ZNF831: variants seen among roughly 807,000 people sequenced by gnomAD.
ZNF831 encodes the protein zinc finger protein 831.
ZNF831 carries 59 observed loss-of-function variants against 95.8 expected under a neutral mutation model. That is an observed-to-expected ratio of 0.62 (90% CI 0.50 to 0.77). The LOEUF (loss-of-function observed/expected upper bound fraction) is 0.77, where lower values mean the gene tolerates loss of function less well. ZNF831 is among the 30% of genes least tolerant of loss of function. The probability of loss-of-function intolerance (pLI) is 0.00; values close to 1 mark genes in which losing one functional copy is unlikely to be tolerated. For missense variants in ZNF831, 2,205 were observed against 2,164.0 expected (o/e 1.02, Z -0.38); for synonymous variants, 961 against 925.5 (o/e 1.04, Z -0.70).
intron 4 of ZNF831, among the ~76,000 whole-genome samples, chr20:59,211,052 A>AC (rs1985288855): frequency 6.6e-6 from 1 of 151,280 alleles, no homozygotes; most frequent in African/African-American, 2.4e-5. Context: ...AAAAAAAGAA[A>AC]AAAAAAAAAA....
intron 2 of ZNF831, among the ~76,000 whole-genome samples, chr20:59,158,094 T>A: frequency 6.6e-6 from 1 of 152,236 alleles, no homozygotes; most frequent in East Asian, 1.9e-4. Context: ...CCACATCACA[T>A]CTTCCTAAGC....
At position 59,254,234 on chromosome 20, in the gene ZNF831, C is replaced by T. The variant is rs866867404; in HGVS notation, c.4525C>T (p.His1509Tyr). Residue 1509 changes from histidine to tyrosine, a missense_variant, in exon 6 of 6, where the codon CAC becomes TAC. His to Tyr is a moderately conservative substitution (Grantham distance 83, BLOSUM62 2). Coordinates refer to ENST00000371030, the MANE Select transcript of ZNF831 (RefSeq NM_178457.3). The surrounding 1 kb of genome is among the most constrained non-coding windows in gnomAD (Gnocchi z 4.5). ...AACAGATCACATAGCCCAGGAAATT[C>T]ACAGTGCTGAATCACGAGACCACAG... ...VRTDHIAQEI[H>Y]SAESRDHSQT... The T allele has an allele frequency of 1.9e-6, 3 of 1,614,040 alleles. No individual in the cohort carries two copies. In the African/African-American group the frequency reaches 4.0e-5, roughly 22 times the overall value.
At chr20:59,177,401 C>A (rs1982253684) in intron 1 of ZNF831, among the ~76,000 whole-genome samples, 1 of 152,208 alleles carries the variant, frequency 6.6e-6, no homozygotes, top group African/African-American at 2.4e-5. Context: ...TGTCATGCCG[C>A]AAACATGCCA....
chr20:59,215,553 T>G (rs558499956), intron 4 of ZNF831, among the ~76,000 whole-genome samples: 1 of 152,344 alleles, frequency 6.6e-6, no homozygotes, highest in South Asian at 2.1e-4. Context: ...TTGGACACAC[T>G]TGTGATGAGT....
chr20:59,234,454 C>G (rs577391553), intron 4 of ZNF831, among the ~76,000 whole-genome samples: 1 of 152,168 alleles, frequency 6.6e-6, no homozygotes, highest in African/African-American at 2.4e-5. Context: ...AGTACAATAC[C>G]CCAAATACTG....
At chr20:59,137,634 A>G (rs1979551250) in intron 1 of ZNF831, among the ~76,000 whole-genome samples, 1 of 152,220 alleles carries the variant, frequency 6.6e-6, no homozygotes, top group Admixed American at 6.5e-5. Flanking sequence ...GTCAACCTGC[A>G]GTTTTTAACC....
chr20:59,186,157 C>A (rs1336698072), intron 1 of ZNF831, among the ~76,000 whole-genome samples: 5 of 152,192 alleles, frequency 3.3e-5, no homozygotes. Flanking sequence ...GCTCCAGTCA[C>A]CCACAGTGGG....
At chr20:59,220,318 G>A (rs549544058) in intron 4 of ZNF831, among the ~76,000 whole-genome samples, 138 of 152,318 alleles carry the variant, frequency 9.1e-4, no homozygotes, top group African/African-American at 2.9e-3. Context: ...ACAAAATCAC[G>A]GAGGCACCAG....
At chr20:59,240,673 G>A (rs1987280547) in intron 4 of ZNF831, among the ~76,000 whole-genome samples, 1 of 151,946 alleles carries the variant, frequency 6.6e-6, no homozygotes, top group Non-Finnish European at 1.5e-5. Flanking sequence ...GTGGTGGCGG[G>A]CGCCTGTAGT....
rs138229512 is a variant in ZNF831 at position 59,191,400 on chromosome 20, C to G, written c.381C>G (p.Gly127=). 6.2e-7 allele frequency: 1 copy of G among 1,610,218 alleles called. No individual in the cohort carries two copies. The highest frequency in any genetic ancestry group is 1.7e-5 in the Admixed American group (1 of 59,818). Residue 127 remains glycine (G), a synonymous_variant, in exon 2 of 6, where the codon GGC becomes GGG. Transcript: ENST00000371030. ...GCACTCTGCCTGTCCTGTCGCCGGG[C>G]CTGGGCCCCACGCTGGGCAGCCCAG... The part of the protein sequence containing the change: ...IVGTLPVLSP[G]LGPTLGSPGK...
In ZNF831 at chr20:59,191,767, G is replaced by T. The variant is rs777385517; in HGVS notation, c.748G>T (p.Ala250Ser). 2 of 1,609,916 alleles carry T rather than the reference G, an allele frequency of 1.2e-6. No homozygotes were observed. The highest frequency in any genetic ancestry group is 2.7e-5 in the African/African-American group (2 of 74,826). Reference protein sequence around the residue: ...GASERPLSPGAHVPLLAKNLD... With the variant: ...GASERPLSPGSHVPLLAKNLD... ...CTCGGAGAGACCCCTTTCTCCGGGT[G>T]CCCACGTGCCCCTACTTGCCAAGAA... Residue 250 changes from alanine to serine, a missense_variant, in exon 2 of 6, where the codon GCC becomes TCC. Ala to Ser is a moderately conservative substitution (Grantham distance 99). Transcript: ENST00000371030.
At position 59,180,801 on chromosome 20, in the gene ZNF831, T is replaced by A. The variant is rs141107452; in HGVS notation, c.-36-10183T>A. Among the ~76,000 whole-genome samples the A allele has an allele frequency of 2.7e-3, 411 of 152,358 alleles. 6 individuals are homozygous for A. The highest frequency in any genetic ancestry group is 9.4e-3 in the African/African-American group (389 of 41,584). On this transcript the variant is annotated intron_variant, in intron 1 of 5. Transcript: ENST00000371030. The stretch of plus-strand genomic sequence containing the variant: ...GATGGGCATTTGGGTTGGTTCCAAG[T>A]CTTTGCTATTGTAAATAGTGCTGCA...
At chr20:59,241,468 G>A (rs534001488) in intron 4 of ZNF831, among the ~76,000 whole-genome samples, 6 of 152,100 alleles carry the variant, frequency 3.9e-5, no homozygotes, top group South Asian at 4.2e-4. Context: ...AAAGTATTTC[G>A]GTGACCCCAC....
chr20:59,194,327 T>G lies in ZNF831; in HGVS notation c.3308T>G (p.Leu1103Arg). ...AATCCCTGGGTACCCAACTGGGAGC[T>G]GGGGGAGCCTCCTGGGAATGCCCCA... The part of the protein sequence containing the change: ...VLNPWVPNWE[L>R]GEPPGNAPED... Residue 1103 changes from leucine to arginine, a missense_variant, in exon 2 of 6, where the codon CTG becomes CGG. Leu to Arg is a moderately radical substitution (Grantham distance 102). Transcript: ENST00000371030. 2 of 1,613,684 alleles carry G rather than the reference T, an allele frequency of 1.2e-6. No homozygotes were observed. The highest frequency in any genetic ancestry group is 1.7e-6 in the Non-Finnish European group (2 of 1,179,878).
rs1289259166 is a variant in ZNF831 at position 59,192,592 on chromosome 20, C to G, written c.1573C>G (p.Pro525Ala). ...TWLEPREPRD[P>A]WSRTQKPLSP... ...GCTGGAGCCCAGGGAGCCCCGGGAC[C>G]CCTGGTCCAGGACGCAGAAGCCTCT... The change falls in exon 2 of 6, where the codon CCC becomes GCC. Residue 525 changes from proline to alanine, a missense_variant. Transcript: ENST00000371030. The surrounding 1 kb of genome is among the most constrained non-coding windows in gnomAD (Gnocchi z 5.2). 1 of 1,511,252 alleles carries G rather than the reference C, an allele frequency of 6.6e-7. No individual in the cohort carries two copies. The highest frequency in any genetic ancestry group is 1.8e-4 in the Middle Eastern group (1 of 5,600). 93.6% of individuals were successfully genotyped at this position (1,511,252 alleles called of 1,614,324 possible). A position where few individuals can be genotyped will look rare whatever the true frequency, so the allele number is the denominator to read the frequency against.
chr20:59,150,508 C>G (rs577471172), intron 2 of ZNF831, among the ~76,000 whole-genome samples: 10 of 152,202 alleles, frequency 6.6e-5, no homozygotes, highest in African/African-American at 2.4e-4. Flanking sequence ...CTTCGAAATT[C>G]AAATTTAAGT....
chr20:59,152,962 T>C (rs1980330430), intron 2 of ZNF831, among the ~76,000 whole-genome samples: 1 of 152,102 alleles, frequency 6.6e-6, no homozygotes, highest in Non-Finnish European at 1.5e-5. Context: ...GTGGGTGGAC[T>C]TCTGTGTTTA....
At chr20:59,252,006 G>A (rs934100061) in intron 4 of ZNF831, among the ~76,000 whole-genome samples, 1 of 152,082 alleles carries the variant, frequency 6.6e-6, no homozygotes, top group South Asian at 2.1e-4. Flanking sequence ...TTGTGTGGGG[G>A]GTCATGAAGT....
At chr20:59,151,998 G>A (rs944266182) in intron 2 of ZNF831, among the ~76,000 whole-genome samples, 1 of 152,124 alleles carries the variant, frequency 6.6e-6, no homozygotes, top group African/African-American at 2.4e-5. Context: ...AGTGGTTTGG[G>A]GCGAGCTGCC....
Sources: gnomAD v4.1 joint callset for allele counts (sites outside exome capture counted in the v4.1 genomes callset) on GRCh38, gnomAD v4.1.1 for gene constraint, Gnocchi (gnomAD v3.1) non-coding constraint, MANE v1.5 for transcripts, NCBI Gene and HGNC (gene_info 2026-07-23, HGNC 2026-07-21) for gene names.